Variants in CMSS1 observed in about 807,000 individuals in gnomAD.
CMSS1 encodes the protein cms1 ribosomal small subunit homolog, also known as protein CMSS1.
CMSS1 carries 33 observed loss-of-function variants against 43.5 expected under a neutral mutation model. The ratio of observed to expected loss-of-function variants is 0.76; its 90% CI spans 0.57 to 1.01. The LOEUF (loss-of-function observed/expected upper bound fraction) is 1.01, where lower values mean the gene tolerates loss of function less well. Among genes scored for constraint, CMSS1 ranks in the 50% least tolerant of loss-of-function variants. The probability of loss-of-function intolerance (pLI) is 0.00; values close to 1 mark genes in which losing one functional copy is unlikely to be tolerated. For synonymous variants in CMSS1, 115 were observed against 117.2 expected, an observed-to-expected ratio of 0.98 and a Z score of 0.12; for missense variants, 313 against 326.4, an observed-to-expected ratio of 0.96 and a Z score of 0.32.
chr3:100,109,963 C>T (rs1222791751), intron 1 of CMSS1: 1 of 139,364 alleles, frequency 7.2e-6, no homozygotes, highest in Non-Finnish European at 1.5e-5. Context: ...TGTACCCATA[C>T]CCACCCTTCA....
intron 1 of CMSS1, among the ~76,000 whole-genome samples, chr3:100,000,131 C>T (rs1446744441): frequency 1.3e-5 from 2 of 152,128 alleles, no homozygotes; most frequent in Non-Finnish European, 2.9e-5. Flanking sequence ...GAGTCAAGAC[C>T]AGAACACTTT....
At chr3:100,139,529 A>AATGTGTG in intron 1 of CMSS1, among the ~76,000 whole-genome samples, 1 of 129,356 alleles carries the variant, frequency 7.7e-6, no homozygotes, top group African/African-American at 3.0e-5. Flanking sequence ...TAAAAAAAAA[A>AATGTGTG]TGTGTGTGTG....
At chr3:99,897,795 G>A (rs1055978701) in intron 1 of CMSS1, among the ~76,000 whole-genome samples, 8 of 152,086 alleles carry the variant, frequency 5.3e-5, no homozygotes, top group Non-Finnish European at 1.0e-4. Flanking sequence ...GATCATAGAG[G>A]GATTCTGTAA....
chr3:100,163,656 G>C (rs183755920), intron 4 of CMSS1, among the ~76,000 whole-genome samples: 1 of 152,238 alleles, frequency 6.6e-6, no homozygotes, highest in Admixed American at 6.5e-5. Context: ...TCTCATCTCA[G>C]CCTCCCGAGT....
intron 1 of CMSS1, among the ~76,000 whole-genome samples, chr3:100,101,365 CT>C (rs2066302139): frequency 6.6e-6 from 1 of 152,110 alleles, no homozygotes; most frequent in African/African-American, 2.4e-5. Context: ...TGGGAAGAAG[CT>C]TTGATATTTG....
chr3:100,174,810 T>C (rs2067136564), intron 8 of CMSS1, among the ~76,000 whole-genome samples: 2 of 152,332 alleles, frequency 1.3e-5, no homozygotes, highest in South Asian at 4.1e-4. Flanking sequence ...TGTGTTGTTT[T>C]AATTTAGTAA....
chr3:100,144,714 T>C (rs1453810914), intron 1 of CMSS1, among the ~76,000 whole-genome samples: 1 of 152,250 alleles, frequency 6.6e-6, no homozygotes, highest in Non-Finnish European at 1.5e-5. Flanking sequence ...CTTGCTAGGC[T>C]TCCTCTTTCG....
chr3:99,840,943 C>G (rs928223773), intron 1 of CMSS1, among the ~76,000 whole-genome samples: 2 of 152,200 alleles, frequency 1.3e-5, no homozygotes, highest in African/African-American at 4.8e-5. Flanking sequence ...TAGAGATTGA[C>G]AGTTTCCCAC....
intron 1 of CMSS1, among the ~76,000 whole-genome samples, chr3:100,140,138 A>G (rs182340900): frequency 1.3e-5 from 2 of 152,342 alleles, no homozygotes; most frequent in Admixed American, 6.5e-5. Context: ...AACTTCCATT[A>G]ATTTGTAACA....
intron 1 of CMSS1, among the ~76,000 whole-genome samples, chr3:99,862,659 G>C (rs1944320268): frequency 6.6e-6 from 1 of 152,202 alleles, no homozygotes; most frequent in South Asian, 2.1e-4. Flanking sequence ...AATGTCTCCA[G>C]ACATTGCAGA....
intron 1 of CMSS1, among the ~76,000 whole-genome samples, chr3:99,975,516 C>T (rs1318325916): frequency 1.3e-5 from 2 of 151,704 alleles, no homozygotes; most frequent in African/African-American, 2.4e-5. Flanking sequence ...TGCTTGAACC[C>T]GGGAGGCAGA....
At chr3:100,096,885 A>T (rs1285594677) in intron 1 of CMSS1, among the ~76,000 whole-genome samples, 1 of 152,184 alleles carries the variant, frequency 6.6e-6, no homozygotes, top group Non-Finnish European at 1.5e-5. Context: ...CCCCATAAAT[A>T]TATACACCTA....
intron 1 of CMSS1, among the ~76,000 whole-genome samples, chr3:100,051,793 G>A (rs936985570): frequency 6.7e-6 from 1 of 150,234 alleles, no homozygotes; most frequent in African/African-American, 2.4e-5. Context: ...CTTTGCTATT[G>A]TGAATAGTGC....
intron 1 of CMSS1, among the ~76,000 whole-genome samples, chr3:100,094,376 A>G (rs1386943756): frequency 6.6e-6 from 1 of 152,080 alleles, no homozygotes; most frequent in Non-Finnish European, 1.5e-5. Context: ...CCCAATATCA[A>G]GATATTATTT....
At chr3:99,969,389 G>A (rs1391678513) in intron 1 of CMSS1, among the ~76,000 whole-genome samples, 1 of 152,184 alleles carries the variant, frequency 6.6e-6, no homozygotes, top group African/African-American at 2.4e-5. Flanking sequence ...GTTGAGCCAC[G>A]TTGATGGCCT....
At chr3:99,831,289 T>G (rs533036617) in intron 1 of CMSS1, among the ~76,000 whole-genome samples, 1 of 152,234 alleles carries the variant, frequency 6.6e-6, no homozygotes, top group Non-Finnish European at 1.5e-5. Context: ...TTTAAAACTG[T>G]GTACATGCTT....
rs1431656390 is a variant in CMSS1, at chr3:99,968,471, C to T, written c.64+150428C>T. Among the ~76,000 whole-genome samples, 13 of 151,534 alleles carry T rather than the reference C, an allele frequency of 8.6e-5. No individual in the cohort carries two copies. The East Asian group carries it at 2.3e-3, about 27-fold the overall frequency. ...CTGAATGATATGTTGGGTTTAAGTC[C>T]TTGCAGGCAGGCTATCCAGGTAAAT... On this transcript the variant is annotated intron_variant, in intron 1 of 9. Coordinates refer to ENST00000421999, the MANE Select transcript of CMSS1 (RefSeq NM_032359.4).
At chr3:99,850,502 T>C in intron 1 of CMSS1, 1 of 1,613,136 alleles carries the variant, frequency 6.2e-7, no homozygotes, top group Non-Finnish European at 8.5e-7. Flanking sequence ...TGCTCCTCCA[T>C]TTTTATGAGC....
chr3:100,129,680 A>G (rs1051763172), intron 1 of CMSS1, among the ~76,000 whole-genome samples: 7 of 152,158 alleles, frequency 4.6e-5, no homozygotes, highest in Admixed American at 6.5e-5. Flanking sequence ...AGTCTTTAAT[A>G]TATTTTTCAG....
Sources: gnomAD v4.1 joint callset for allele counts (sites outside exome capture counted in the v4.1 genomes callset) on GRCh38, gnomAD v4.1.1 for gene constraint, MANE v1.5 for transcripts, NCBI Gene and HGNC (gene_info 2026-07-23, HGNC 2026-07-21) for gene names.